The following STAU1 variants were observed in gnomAD, a reference collection of about 807,000 sequenced individuals.
The protein encoded by STAU1 is double-stranded RNA-binding protein Staufen homolog 1.
STAU1 carries 13 observed loss-of-function variants against 62.9 expected under a neutral mutation model. That is an observed-to-expected ratio of 0.21 (90% CI 0.13 to 0.33). The LOEUF is 0.33. Among genes scored for constraint, STAU1 ranks in the 10% least tolerant of loss-of-function variants. STAU1 has a pLI of 1.00. For missense variants in STAU1, 571 were observed against 712.1 expected (o/e 0.80, Z 2.25); for synonymous variants, 269 against 265.1 (o/e 1.01, Z -0.14).
At chr20:49,164,140 G>A (rs1014753127) in intron 3 of STAU1, among the ~76,000 whole-genome samples, 6 of 152,010 alleles carry the variant, frequency 3.9e-5, no homozygotes, top group Non-Finnish European at 8.8e-5. Context: ...TGAGGCAGGA[G>A]AATCGCTTGA....
chr20:49,166,452 G>A (rs1479497092), intron 2 of STAU1, among the ~76,000 whole-genome samples, 167 bp from the exon 3 acceptor site: 4 of 152,150 alleles, frequency 2.6e-5, no homozygotes, highest in Non-Finnish European at 4.4e-5. Context: ...TATACAGTAA[G>A]TTTCTTGGCC....
chr20:49,163,881 C>T (rs550713614), intron 3 of STAU1, among the ~76,000 whole-genome samples: 2 of 152,226 alleles, frequency 1.3e-5, no homozygotes, highest in Admixed American at 1.3e-4. Context: ...CCTCCTGCCT[C>T]AGCCTCCCAA....
chr20:49,138,137 A>G (rs2146071060), intron 5 of STAU1, among the ~76,000 whole-genome samples: 1 of 152,226 alleles, frequency 6.6e-6, no homozygotes, highest in South Asian at 2.1e-4. Flanking sequence ...TACAAATATT[A>G]GCAGGTGCGG....
chr20:49,123,707 T>G (rs1471942976), intron 7 of STAU1, among the ~76,000 whole-genome samples: 4 of 152,164 alleles, frequency 2.6e-5, no homozygotes, highest in African/African-American at 9.7e-5. Flanking sequence ...CCACCTTTTG[T>G]GCCAAGGAAC....
chr20:49,166,363 G>A (rs1017780187), intron 2 of STAU1, 78 bp from the exon 3 acceptor site: 2 of 627,360 alleles, frequency 3.2e-6, no homozygotes, highest in African/African-American at 1.8e-5. Context: ...AGTCAAAATG[G>A]TGTCACCTAC....
the STAU1 span, among the ~76,000 whole-genome samples, chr20:49,213,714 GC>G: frequency 6.6e-6 from 1 of 152,242 alleles, no homozygotes; most frequent in South Asian, 2.1e-4. Flanking sequence ...CCTCACCAAT[GC>G]CACCCTATTT....
intron 3 of STAU1, among the ~76,000 whole-genome samples, chr20:49,160,642 T>A (rs1378739586): frequency 6.6e-6 from 1 of 152,208 alleles, no homozygotes; most frequent in Non-Finnish European, 1.5e-5. Context: ...TCTTGAATAA[T>A]GATTAGCAAA....
At chr20:49,211,987 TG>T in the STAU1 span, among the ~76,000 whole-genome samples, 1 of 152,310 alleles carries the variant, frequency 6.6e-6, no homozygotes, top group Non-Finnish European at 1.5e-5. Flanking sequence ...CATGAACAGT[TG>T]GTTTTTTTGT....
Position 49,117,859 on chromosome 20 carries a change from A to ATGT in STAU1, c.1424_1426dup (p.Asn475dup). On this transcript the variant is annotated inframe_insertion, in exon 11 of 14. Coordinates refer to ENST00000371856, the MANE Select transcript of STAU1 (RefSeq NM_017453.4). This position sits in a 1 kb window ranked among gnomAD's most constrained non-coding sequence, Gnocchi z 4.6. ...TCCATGGGGTACGTGGCCTGAAGAG[A>ATGT]TGTTATTCTTTAAAATGGTCTCGGC... is the stretch of plus-strand genomic sequence containing the variant. 1 of 1,614,058 alleles carries ATGT rather than the reference A, an allele frequency of 6.2e-7. No individual in the cohort carries two copies. Among genetic ancestry groups the ATGT allele is most frequent in the Non-Finnish European group, 8.5e-7 (1 of 1,180,032 alleles).
chr20:49,198,686 A>G, the STAU1 span, among the ~76,000 whole-genome samples: 1,061 of 148,320 alleles, frequency 7.2e-3, 15 homozygotes, highest in African/African-American at 0.024. Context: ...AAAAATGGCC[A>G]GGCACTGTGG....
chr20:49,151,654 C>A lies in STAU1; in HGVS notation c.438G>T (p.Gln146His). 1.2e-6 allele frequency: 2 copies of A among 1,612,838 alleles called. No homozygotes were observed. Among genetic ancestry groups the A allele is most frequent in the Non-Finnish European group, 1.7e-6 (2 of 1,179,556 alleles). ...QQFNGKGKTR[Q>H]AAKHDAAAKA... The stretch of plus-strand genomic sequence containing the variant: ...TGGCAGCAGCATCGTGTTTCGCAGC[C>A]TGTCTTGTCTTTCCTTTGCCATTAA... Residue 146 changes from glutamine (Q) to histidine (H), a missense_variant, in exon 5 of 14, where the codon CAG (glutamine) becomes CAT (histidine). Gln to His is a conservative substitution (Grantham distance 24). Coordinates refer to ENST00000371856, the MANE Select transcript of STAU1 (RefSeq NM_017453.4).
At chr20:49,199,788 G>T in the STAU1 span, among the ~76,000 whole-genome samples, 1 of 152,058 alleles carries the variant, frequency 6.6e-6, no homozygotes, top group Non-Finnish European at 1.5e-5. Context: ...TGGCCAGGCT[G>T]GTCTTGAACT....
chr20:49,161,816 A>C (rs1322138509), intron 3 of STAU1, among the ~76,000 whole-genome samples: 1 of 152,248 alleles, frequency 6.6e-6, no homozygotes, highest in African/African-American at 2.4e-5. Flanking sequence ...CAAAACTGCA[A>C]ATCATTCCAG....
At chr20:49,137,768 C>T (rs1043957155) in intron 5 of STAU1, among the ~76,000 whole-genome samples, 3 of 151,304 alleles carry the variant, frequency 2.0e-5, no homozygotes, top group Admixed American at 1.3e-4. Context: ...TGGGTTCAAG[C>T]GATTCTCCTG....
chr20:49,141,822 C>G (rs2093013611), intron 5 of STAU1, among the ~76,000 whole-genome samples: 1 of 152,204 alleles, frequency 6.6e-6, no homozygotes, highest in Admixed American at 6.5e-5. Context: ...CAGTTAATCA[C>G]TATCCTAAAG....
the STAU1 span, among the ~76,000 whole-genome samples, chr20:49,203,833 T>C: frequency 1.3e-5 from 2 of 152,102 alleles, no homozygotes; most frequent in Admixed American, 6.6e-5. Context: ...ATTACAGGCG[T>C]GCGCCACCAC....
chr20:49,150,854 A>G (rs113134988), intron 5 of STAU1, among the ~76,000 whole-genome samples: 1,795 of 152,212 alleles, frequency 0.012, 42 homozygotes, highest in African/African-American at 0.04. Context: ...CATAACATGA[A>G]GAAGTATAAG....
chr20:49,206,728 T>A, the STAU1 span, among the ~76,000 whole-genome samples: 1 of 80,862 alleles, frequency 1.2e-5, no homozygotes, highest in African/African-American at 5.3e-5. Context: ...TTTATATATA[T>A]ATATATATAT....
chr20:49,124,830 A>C (rs2092553936), intron 6 of STAU1, among the ~76,000 whole-genome samples: 1 of 151,958 alleles, frequency 6.6e-6, no homozygotes, highest in Non-Finnish European at 1.5e-5. Context: ...AGACCTTTTT[A>C]CTCCCATGCC....
Sources: gnomAD v4.1 joint callset for allele counts (sites outside exome capture counted in the v4.1 genomes callset) on GRCh38, gnomAD v4.1.1 for gene constraint, Gnocchi (gnomAD v3.1) non-coding constraint, MANE v1.5 for transcripts, NCBI Gene and HGNC (gene_info 2026-07-23, HGNC 2026-07-21) for gene names.